Variants in ATP2B2 observed in about 807,000 individuals in gnomAD.
ATP2B2 encodes ATPase plasma membrane Ca2+ transporting 2, also known as plasma membrane calcium-transporting ATPase 2.
In ATP2B2, 15 loss-of-function variants were observed where a neutral mutation model predicts 120.0. The observed-to-expected ratio is 0.12, with a 90% CI of 0.08 to 0.19. The LOEUF (loss-of-function observed/expected upper bound fraction) is 0.19. Ranked by LOEUF, ATP2B2 falls within the 10% of genes least tolerant of loss-of-function variation. The pLI, the probability that ATP2B2 is intolerant of heterozygous loss-of-function variation, is 1.00. For synonymous variants in ATP2B2, 694 were observed against 700.3 expected (o/e 0.99, Z 0.14); for missense variants, 1,045 against 1,719.8 (o/e 0.61, Z 6.94).
At chr3:10,488,217 C>G (rs2065776061) in intron 1 of ATP2B2, among the ~76,000 whole-genome samples, 2 of 147,506 alleles carry the variant, frequency 1.4e-5, no homozygotes, top group Admixed American at 6.7e-5. Flanking sequence ...ATCCATCCAT[C>G]CATCCACTCA....
chr3:10,654,230 C>T (rs889950697), intron 1 of ATP2B2, among the ~76,000 whole-genome samples: 1 of 152,122 alleles, frequency 6.6e-6, no homozygotes, highest in South Asian at 2.1e-4. Context: ...AGCCTGACTC[C>T]AGAGTCCTTA....
chr3:10,398,833 C>T (rs1472707596), intron 5 of ATP2B2, among the ~76,000 whole-genome samples: 1 of 152,218 alleles, frequency 6.6e-6, no homozygotes, highest in Non-Finnish European at 1.5e-5. Context: ...TCTCCTGCTC[C>T]CATCCTCTGC....
intron 16 of ATP2B2, among the ~76,000 whole-genome samples, chr3:10,349,005 C>T (rs1239834724): frequency 6.6e-6 from 1 of 152,258 alleles, no homozygotes; most frequent in African/African-American, 2.4e-5. Context: ...TGGGCAGCAC[C>T]TTTGAAAGAG....
At chr3:10,532,190 T>C (rs2067224325) in intron 3 of ATP2B2, among the ~76,000 whole-genome samples, 1 of 152,156 alleles carries the variant, frequency 6.6e-6, no homozygotes, top group African/African-American at 2.4e-5. Flanking sequence ...CCACTTTATC[T>C]TGGGCCCTGT....
At chr3:10,683,513 C>G (rs1482704553) in intron 1 of ATP2B2, among the ~76,000 whole-genome samples, 1 of 151,776 alleles carries the variant, frequency 6.6e-6, no homozygotes, top group Non-Finnish European at 1.5e-5. Context: ...TTAAGATCCT[C>G]TGCCAGACAA....
At chr3:10,411,320 C>T (rs1291953557) in intron 2 of ATP2B2, among the ~76,000 whole-genome samples, 1 of 152,146 alleles carries the variant, frequency 6.6e-6, no homozygotes, top group African/African-American at 2.4e-5. Flanking sequence ...AGGGAGGTGG[C>T]CCTGCTGACA....
chr3:10,454,576 C>T (rs151156935), intron 1 of ATP2B2, among the ~76,000 whole-genome samples: 8 of 152,288 alleles, frequency 5.3e-5, no homozygotes, highest in African/African-American at 1.9e-4. Context: ...CATGAGGTCA[C>T]CCCTTTTCTG....
At chr3:10,560,330 G>A (rs1188695988) in intron 2 of ATP2B2, among the ~76,000 whole-genome samples, 1 of 152,208 alleles carries the variant, frequency 6.6e-6, no homozygotes, top group Non-Finnish European at 1.5e-5. Context: ...TCCCAGGACG[G>A]ATGGAGCTCA....
intron 1 of ATP2B2, among the ~76,000 whole-genome samples, chr3:10,456,302 G>A (rs1024137983): frequency 2.6e-5 from 4 of 152,166 alleles, no homozygotes; most frequent in Non-Finnish European, 5.9e-5. Flanking sequence ...CTGAATTTAA[G>A]TGCCACCTTA....
At chr3:10,646,068 G>A (rs770517756) in intron 1 of ATP2B2, among the ~76,000 whole-genome samples, 7 of 152,222 alleles carry the variant, frequency 4.6e-5, no homozygotes, top group Non-Finnish European at 8.8e-5. Context: ...TGAAGACCCC[G>A]CCCAGAAACT....
At chr3:10,554,832 A>G (rs1427758230) in intron 2 of ATP2B2, among the ~76,000 whole-genome samples, 1 of 152,224 alleles carries the variant, frequency 6.6e-6, no homozygotes. Flanking sequence ...TGATTTACTC[A>G]AGGTCCCAAA....
chr3:10,583,144 T>A (rs2068429805), intron 2 of ATP2B2, among the ~76,000 whole-genome samples: 2 of 152,204 alleles, frequency 1.3e-5, no homozygotes, highest in Non-Finnish European at 2.9e-5. Flanking sequence ...AAGGAGTACA[T>A]GATATGATTT....
chr3:10,562,466 G>A (rs1039964689), intron 2 of ATP2B2, among the ~76,000 whole-genome samples: 2 of 152,142 alleles, frequency 1.3e-5, no homozygotes, highest in Non-Finnish European at 2.9e-5. Context: ...ACTAGTCTAT[G>A]GGTCTTCTCT....
chr3:10,630,495 C>T (rs1451390007), intron 1 of ATP2B2, among the ~76,000 whole-genome samples: 1 of 152,322 alleles, frequency 6.6e-6, no homozygotes, highest in East Asian at 1.9e-4. Flanking sequence ...CTGCAAAGGA[C>T]ATGATCTTGT....
chr3:10,453,921 C>T (rs2064157071), intron 1 of ATP2B2, among the ~76,000 whole-genome samples: 1 of 151,248 alleles, frequency 6.6e-6, no homozygotes, highest in African/African-American at 2.4e-5. Context: ...TTCATCCATC[C>T]ATCCACCCAT....
intron 3 of ATP2B2, among the ~76,000 whole-genome samples, chr3:10,406,680 G>A (rs1319001502): frequency 2.6e-5 from 4 of 152,180 alleles, no homozygotes; most frequent in Non-Finnish European, 5.9e-5. Context: ...AACATGACAT[G>A]TCCCTGTCGT....
intron 1 of ATP2B2, among the ~76,000 whole-genome samples, chr3:10,657,416 T>C (rs1451538173): frequency 6.6e-6 from 1 of 152,246 alleles, no homozygotes; most frequent in Non-Finnish European, 1.5e-5. Flanking sequence ...TTTTTGGAAA[T>C]TGATGTCTCC....
At chr3:10,647,602 G>C (rs1049332125) in intron 1 of ATP2B2, among the ~76,000 whole-genome samples, 3 of 152,090 alleles carry the variant, frequency 2.0e-5, no homozygotes, top group African/African-American at 7.2e-5. Context: ...CCCTGGTAAG[G>C]TTTCGGAGAA....
intron 1 of ATP2B2, among the ~76,000 whole-genome samples, chr3:10,657,850 T>C (rs1053710876): frequency 6.6e-6 from 1 of 152,200 alleles, no homozygotes; most frequent in Non-Finnish European, 1.5e-5. Context: ...CACCTGCTAG[T>C]AGGGGCAGAC....
Sources: gnomAD v4.1 joint callset for allele counts (sites outside exome capture counted in the v4.1 genomes callset) on GRCh38, gnomAD v4.1.1 for gene constraint, MANE v1.5 for transcripts, NCBI Gene and HGNC (gene_info 2026-07-23, HGNC 2026-07-21) for gene names.